HS6ST3: variants seen among roughly 807,000 people sequenced by gnomAD.
The protein encoded by HS6ST3 is heparan sulfate 6-O-sulfotransferase 3.
A neutral mutation model predicts 36.7 loss-of-function variants in HS6ST3; 12 were observed. The ratio of observed to expected loss-of-function variants is 0.33; its 90% CI spans 0.21 to 0.53. The LOEUF is 0.53. Among genes scored for constraint, HS6ST3 ranks in the 20% least tolerant of loss-of-function variants. The probability of loss-of-function intolerance (pLI) is 0.95; values close to 1 mark genes in which losing one functional copy is unlikely to be tolerated. For missense variants in HS6ST3, 584 were observed against 640.9 expected (o/e 0.91, Z 0.96); for synonymous variants, 240 against 257.5 (o/e 0.93, Z 0.65).
intron 1 of HS6ST3, among the ~76,000 whole-genome samples, chr13:96,363,658 C>T (rs1327277545): frequency 1.3e-5 from 2 of 151,910 alleles, no homozygotes; most frequent in African/African-American, 4.8e-5. Context: ...CTTTTTAGAC[C>T]ATCACCACAA....
At chr13:96,657,011 G>C (rs1379003921) in intron 1 of HS6ST3, among the ~76,000 whole-genome samples, 2 of 150,542 alleles carry the variant, frequency 1.3e-5, no homozygotes, top group African/African-American at 4.9e-5. Flanking sequence ...GAGAGAGAGA[G>C]AGAGAGAGAG....
chr13:96,661,510 T>C (rs778578009), intron 1 of HS6ST3, among the ~76,000 whole-genome samples: 36 of 152,188 alleles, frequency 2.4e-4, no homozygotes, highest in Non-Finnish European at 3.8e-4. Context: ...GGTGGGTTTC[T>C]TGAAGGCAGT....
intron 1 of HS6ST3, among the ~76,000 whole-genome samples, chr13:96,777,870 A>G (rs1253153046): frequency 6.6e-6 from 1 of 152,202 alleles, no homozygotes; most frequent in Non-Finnish European, 1.5e-5. Flanking sequence ...AGCCAAGACA[A>G]TCCTAAGCAA....
chr13:96,135,146 C>G (rs2053994979), intron 1 of HS6ST3, among the ~76,000 whole-genome samples: 2 of 152,174 alleles, frequency 1.3e-5, no homozygotes, highest in South Asian at 4.1e-4. Context: ...GAAATCTGTT[C>G]TACCTCACCC....
chr13:96,331,047 C>G (rs1167177496), intron 1 of HS6ST3, among the ~76,000 whole-genome samples: 6 of 152,146 alleles, frequency 3.9e-5, no homozygotes, highest in Non-Finnish European at 8.8e-5. Context: ...CTCCTTTAAG[C>G]ACTTCTCTGT....
chr13:96,112,618 T>TATATATATATATATAC (rs2053875886), intron 1 of HS6ST3, among the ~76,000 whole-genome samples: 1 of 129,256 alleles, frequency 7.7e-6, no homozygotes, highest in Non-Finnish European at 1.7e-5. Context: ...TATATATATA[T>TATATATATATATATAC]ATATGCCCGG....
At chr13:96,132,120 G>C (rs2053978811) in intron 1 of HS6ST3, among the ~76,000 whole-genome samples, 1 of 88,250 alleles carries the variant, frequency 1.1e-5, no homozygotes, top group Non-Finnish European at 2.1e-5. Flanking sequence ...TAGTATTCCA[G>C]TACACACACA....
chr13:96,725,054 T>C (rs1390555476), intron 1 of HS6ST3, among the ~76,000 whole-genome samples: 1 of 152,204 alleles, frequency 6.6e-6, no homozygotes, highest in African/African-American at 2.4e-5. Context: ...ACACTTAGTA[T>C]AGGGGATGTG....
At chr13:96,786,883 A>G (rs1267503367) in intron 1 of HS6ST3, among the ~76,000 whole-genome samples, 2 of 151,638 alleles carry the variant, frequency 1.3e-5, no homozygotes, top group East Asian at 3.9e-4. Flanking sequence ...CTTTTTAATC[A>G]AACCTTTGCA....
intron 1 of HS6ST3, among the ~76,000 whole-genome samples, chr13:96,146,610 C>G (rs1293076727): frequency 6.6e-6 from 1 of 152,158 alleles, no homozygotes; most frequent in African/African-American, 2.4e-5. Flanking sequence ...ATTCAAGATA[C>G]AGTTATCAAT....
intron 1 of HS6ST3, among the ~76,000 whole-genome samples, chr13:96,480,402 C>T (rs2055884875): frequency 6.6e-6 from 1 of 152,164 alleles, no homozygotes; most frequent in South Asian, 2.1e-4. Context: ...GCATGAGCCA[C>T]TGCACTGGGC....
intron 1 of HS6ST3, among the ~76,000 whole-genome samples, chr13:96,419,662 A>T (rs866024934): frequency 2.0e-4 from 30 of 152,226 alleles, no homozygotes; most frequent in Middle Eastern, 3.2e-3. Flanking sequence ...TCAAGGTGTC[A>T]TAGGCCATGC....
At chr13:96,107,645 C>T (rs1007068674) in intron 1 of HS6ST3, among the ~76,000 whole-genome samples, 6 of 152,144 alleles carry the variant, frequency 3.9e-5, no homozygotes, top group Non-Finnish European at 8.8e-5. Context: ...TGCAGGAAGT[C>T]AGGGACCCCA....
chr13:96,423,213 C>G (rs2055569864), intron 1 of HS6ST3, among the ~76,000 whole-genome samples: 1 of 152,110 alleles, frequency 6.6e-6, no homozygotes, highest in Admixed American at 6.5e-5. Context: ...TACTTTAAAT[C>G]AAAATGCCCA....
chr13:96,370,418 A>G (rs1423776259), intron 1 of HS6ST3, among the ~76,000 whole-genome samples: 1 of 152,132 alleles, frequency 6.6e-6, no homozygotes, highest in Non-Finnish European at 1.5e-5. Flanking sequence ...AAAAATTTTT[A>G]TGTAAAAAAT....
chr13:96,593,691 CT>C (rs1277227625), intron 1 of HS6ST3, among the ~76,000 whole-genome samples: 2 of 151,590 alleles, frequency 1.3e-5, no homozygotes, highest in African/African-American at 2.4e-5. Flanking sequence ...AATTTCTTCT[CT>C]GATTTATTTT....
chr13:96,749,927 A>G (rs1310962390), intron 1 of HS6ST3, among the ~76,000 whole-genome samples: 3 of 152,118 alleles, frequency 2.0e-5, no homozygotes, highest in African/African-American at 7.2e-5. Context: ...CTGATTCATC[A>G]ATTACCTAAT....
chr13:96,714,818 C>A (rs1227226979), intron 1 of HS6ST3, among the ~76,000 whole-genome samples: 1 of 152,112 alleles, frequency 6.6e-6, no homozygotes, highest in Non-Finnish European at 1.5e-5. Flanking sequence ...CCTGCTCTAA[C>A]CTCCTAAGTA....
intron 1 of HS6ST3, among the ~76,000 whole-genome samples, chr13:96,106,772 G>A (rs2053843626): frequency 6.6e-6 from 1 of 152,202 alleles, no homozygotes; most frequent in South Asian, 2.1e-4. Flanking sequence ...TACAAAGCAA[G>A]GTCATTAGCT....
Sources: allele counts gnomAD v4.1 joint callset (sites outside exome capture counted in the v4.1 genomes callset), GRCh38; gene constraint gnomAD v4.1.1; transcripts MANE v1.5; gene names NCBI Gene and HGNC (gene_info 2026-07-23, HGNC 2026-07-21).